PTH2R: variants seen among roughly 807,000 people sequenced by gnomAD.
The protein encoded by PTH2R is PTH2 receptor.
In PTH2R, 59 loss-of-function variants were observed where a neutral mutation model predicts 60.3. The observed-to-expected ratio is 0.98, with a 90% CI of 0.79 to 1.22. PTH2R has a LOEUF of 1.22. Among genes scored for constraint, PTH2R ranks in the 50% most tolerant of loss-of-function variants. The pLI is 0.00. For missense variants in PTH2R, 749 were observed against 682.6 expected (o/e 1.10, Z -1.08); for synonymous variants, 256 against 243.8 (o/e 1.05, Z -0.47).
At chr2:208,474,106 C>T (rs1484130254) in intron 9 of PTH2R, among the ~76,000 whole-genome samples, 3 of 152,148 alleles carry the variant, frequency 2.0e-5, no homozygotes, top group African/African-American at 7.2e-5. Flanking sequence ...AACTCTTAAC[C>T]AGTTGCTGAC....
intron 12 of PTH2R, 34 bp from the exon 13 acceptor site, chr2:208,493,230 A>T (rs750479102): frequency 8.2e-6 from 12 of 1,458,206 alleles, no homozygotes; most frequent in Non-Finnish European, 1.1e-5. Flanking sequence ...CTCCTTTAGG[A>T]TTTCTCATGC....
intron 1 of PTH2R, among the ~76,000 whole-genome samples, chr2:208,374,227 T>G (rs1001975411): frequency 7.9e-5 from 12 of 152,102 alleles, no homozygotes; most frequent in Non-Finnish European, 1.3e-4. Flanking sequence ...TCTTTTTTAC[T>G]CTTGATCCAT....
chr2:208,455,164 T>G (rs1001338244), intron 8 of PTH2R, among the ~76,000 whole-genome samples: 1 of 152,216 alleles, frequency 6.6e-6, no homozygotes, highest in Non-Finnish European at 1.5e-5. Context: ...CACAGTGAGA[T>G]TGCAAATCTC....
At chr2:208,388,304 G>A (rs541597988) in intron 1 of PTH2R, among the ~76,000 whole-genome samples, 3 of 152,062 alleles carry the variant, frequency 2.0e-5, no homozygotes, top group South Asian at 2.1e-4. Context: ...GTGACAGAGC[G>A]AGACTCCTTC....
intron 9 of PTH2R, among the ~76,000 whole-genome samples, chr2:208,470,362 C>T (rs2105896369): frequency 6.6e-6 from 1 of 152,286 alleles, no homozygotes; most frequent in South Asian, 2.1e-4. Context: ...TTTATCTTTA[C>T]CAAAATGTTT....
chr2:208,389,334 A>G (rs554748862), intron 1 of PTH2R, among the ~76,000 whole-genome samples: 1 of 151,584 alleles, frequency 6.6e-6, no homozygotes, highest in South Asian at 2.1e-4. Context: ...TTTATATATC[A>G]TTTCATTAAA....
upstream of PTH2R, among the ~76,000 whole-genome samples, chr2:208,404,376 C>T (rs183645685): frequency 1.6e-4 from 24 of 152,282 alleles, no homozygotes; most frequent in East Asian, 4.2e-3. Context: ...CTTTAATCCT[C>T]AGTAGGGAAA....
Position 208,381,615 on chromosome 2 carries a change from T to TA in PTH2R, c.-259+21379dup, listed in dbSNP as rs780706099. 4.1e-4 allele frequency among the ~76,000 whole-genome samples: 62 copies of TA among 152,190 alleles called. 1 individual carries two copies. The highest frequency in any genetic ancestry group is 4.0e-3 in the Admixed American group (61 of 15,290). Reference sequence around the variant, plus strand: ...ACTTAAATTTTGAATAAGTTGCACTTACTAATTACACTTACACTGCTGCAT... The same window carrying TA: ...ACTTAAATTTTGAATAAGTTGCACTTAACTAATTACACTTACACTGCTGCAT... On this transcript the variant is annotated intron_variant, in intron 1 of 12. Coordinates refer to the PTH2R transcript ENST00000617735.
intron 9 of PTH2R, chr2:208,466,307 G>T: frequency 6.5e-6 from 1 of 152,810 alleles, no homozygotes. Context: ...GGCCTGGATT[G>T]CACACAGCTC....
At chr2:208,456,189 C>A (rs1434166211) in intron 8 of PTH2R, among the ~76,000 whole-genome samples, 1 of 151,946 alleles carries the variant, frequency 6.6e-6, no homozygotes, top group African/African-American at 2.4e-5. Context: ...CTACAGTGAG[C>A]CGAGATCACG....
At chr2:208,425,556 T>G (rs1477434343) in intron 1 of PTH2R, among the ~76,000 whole-genome samples, 2 of 152,254 alleles carry the variant, frequency 1.3e-5, no homozygotes, top group Non-Finnish European at 2.9e-5. Flanking sequence ...GCAGACTGCC[T>G]GGCCCTGCTC....
chr2:208,493,118 GA>G, intron 12 of PTH2R, 145 bp from the exon 13 acceptor site: 1 of 861,506 alleles, frequency 1.2e-6, no homozygotes, highest in Non-Finnish European at 1.6e-6. Flanking sequence ...GAGGTTGAGA[GA>G]AAGTCATAGA....
In PTH2R at chr2:208,407,013, G is replaced by A. The variant is rs1701426907; in HGVS notation, c.-31G>A. ...AGCTTCTCCCGGGCTCTGGAGGAGG[G>A]TCCCTGCTTCTTCCTACAGCCGTTC... On this transcript the variant is annotated 5_prime_UTR_variant, in exon 1 of 13. Coordinates refer to ENST00000272847, the MANE Select transcript of PTH2R (RefSeq NM_005048.4). 7 of 1,376,116 alleles carry A rather than the reference G, an allele frequency of 5.1e-6. No individual in the cohort carries two copies. The South Asian group carries it at 1.4e-4, about 28-fold the overall frequency. The allele number at this position is 1,376,116 out of a possible 1,614,324, so 85.2% of individuals were successfully genotyped here.
intron 1 of PTH2R, among the ~76,000 whole-genome samples, chr2:208,370,017 C>A (rs1700664420): frequency 6.6e-6 from 1 of 152,076 alleles, no homozygotes; most frequent in Non-Finnish European, 1.5e-5. Flanking sequence ...AGCAGTGTAG[C>A]CTCTGTTGCA....
intron 9 of PTH2R, among the ~76,000 whole-genome samples, chr2:208,477,078 C>T (rs928106071): frequency 5.3e-5 from 8 of 152,112 alleles, no homozygotes; most frequent in Admixed American, 6.6e-5. Flanking sequence ...GTTTAGAGCA[C>T]GCATATCTCA....
At chr2:208,447,462 C>A (rs554386593) in intron 7 of PTH2R, among the ~76,000 whole-genome samples, 23 of 151,826 alleles carry the variant, frequency 1.5e-4, no homozygotes, top group Non-Finnish European at 3.1e-4. Flanking sequence ...CTGGCAGGCG[C>A]CTGTAGTCCC....
chr2:208,378,239 G>A lies in PTH2R; in HGVS notation c.-259+18002G>A, dbSNP rs557604955. On this transcript the variant is annotated intron_variant, in intron 1 of 12. Transcript: ENST00000617735. Reference sequence around the variant, plus strand: ...AATACGAAAACCAGTCAGGCGTGGCGGCGCGCACCTGCAATCCCAGGCACT... The same window carrying A: ...AATACGAAAACCAGTCAGGCGTGGCAGCGCGCACCTGCAATCCCAGGCACT... 9.4e-5 allele frequency among the ~76,000 whole-genome samples: 14 copies of A among 149,670 alleles called. No individual in the cohort carries two copies. In the East Asian group the frequency reaches 1.4e-3, roughly 15 times the overall value.
intron 1 of PTH2R, among the ~76,000 whole-genome samples, chr2:208,396,236 AG>A (rs1332352773): frequency 6.6e-6 from 1 of 152,228 alleles, no homozygotes; most frequent in East Asian, 1.9e-4. Context: ...AATACCATTC[AG>A]GACATAGGCA....
chr2:208,442,492 G>A, intron 5 of PTH2R, 31 bp downstream of exon 5: 1 of 1,482,250 alleles, frequency 6.7e-7, no homozygotes, highest in South Asian at 1.1e-5. Context: ...TTTCCATGAA[G>A]GGGCACATTG....
Sources: allele counts gnomAD v4.1 joint callset (sites outside exome capture counted in the v4.1 genomes callset), GRCh38; gene constraint gnomAD v4.1.1; transcripts MANE v1.5; gene names NCBI Gene and HGNC (gene_info 2026-07-23, HGNC 2026-07-21).